WNK1: variants seen among roughly 807,000 people sequenced by gnomAD.
WNK1 encodes WNK lysine deficient protein kinase 1.
In WNK1, 38 loss-of-function variants were observed where a neutral mutation model predicts 222.8. The ratio of observed to expected loss-of-function variants is 0.17; its 90% confidence interval spans 0.13 to 0.22. The LOEUF is 0.22. WNK1 is among the 10% of genes least tolerant of loss of function. The pLI, the probability that WNK1 is intolerant of heterozygous loss-of-function variation, is 1.00. For missense variants in WNK1, 2,348 were observed against 2,918.4 expected, an observed-to-expected ratio of 0.80 and a Z score of 4.50; for synonymous variants, 1,090 against 1,092.9, an observed-to-expected ratio of 1.00 and a Z score of 0.05.
In WNK1 at chr12:878,305, C is replaced by T; in HGVS notation, c.2317C>T (p.Pro773Ser). The T allele has an allele frequency of 6.2e-7, 1 of 1,614,024 alleles. No homozygotes were observed. Among genetic ancestry groups the T allele is most frequent in the South Asian group, 1.1e-5 (1 of 91,082 alleles). ...STSSEATTAQ[P>S]VSQPQAPQVL... Reference sequence around the variant, plus strand: ...CTCCAGTGAGGCCACTACTGCACAGCCAGTGAGTCAGCCTCAAGCTCCACA... The same window carrying T: ...CTCCAGTGAGGCCACTACTGCACAGTCAGTGAGTCAGCCTCAAGCTCCACA... The change falls in exon 10 of 28, where the codon CCA (proline) becomes TCA (serine). Residue 773 changes from proline (P) to serine (S), a missense_variant. By Grantham distance (74) the Pro-to-Ser change is moderately conservative. Transcript: ENST00000315939.
chr12:873,945 T>C (rs77787449), intron 9 of WNK1, among the ~76,000 whole-genome samples: 2,297 of 151,824 alleles, frequency 0.015, 56 homozygotes, highest in African/African-American at 0.052. Flanking sequence ...CGTATAGTGA[T>C]ATACTAGATC....
chr12:890,376 A>G, intron 21 of WNK1, 77 bp from the exon 22 acceptor site: 4 of 1,474,782 alleles, frequency 2.7e-6, no homozygotes, highest in East Asian at 4.5e-5. Flanking sequence ...TACAAAGACC[A>G]TAGGAAAGGC....
chr12:862,944 A>T (rs923908283), intron 8 of WNK1, among the ~76,000 whole-genome samples: 2 of 152,214 alleles, frequency 1.3e-5, no homozygotes, highest in Non-Finnish European at 2.9e-5. Flanking sequence ...TTGTATACAC[A>T]TACACACACA....
At chr12:867,702 AT>A in intron 8 of WNK1, 1 of 810,002 alleles carries the variant, frequency 1.2e-6, no homozygotes, top group East Asian at 2.7e-5. Flanking sequence ...TATTTAATGG[AT>A]TTTTACTATG....
intron 2 of WNK1, among the ~76,000 whole-genome samples, chr12:825,628 C>G (rs1296274939): frequency 6.6e-6 from 1 of 152,000 alleles, no homozygotes; most frequent in Non-Finnish European, 1.5e-5. Flanking sequence ...AATTGGAATA[C>G]TAAATGCAGG....
At chr12:789,717 TAG>T (rs906393708) in intron 1 of WNK1, among the ~76,000 whole-genome samples, 57 of 152,018 alleles carry the variant, frequency 3.7e-4, no homozygotes, top group African/African-American at 1.3e-3. Context: ...TCTGAAAGCA[TAG>T]AGTTTTCAGG....
chr12:908,861 G>GGGCCA lies in WNK1; in HGVS notation c.*69_*70insGGCCA. On this transcript the variant is annotated 3_prime_UTR_variant, in exon 28 of 28. Transcript: ENST00000315939. The stretch of plus-strand genomic sequence containing the variant: ...ATGCTGAGGGGGTGGGTGGGGGTGG[G>GGGCCA]AAGTAGCCTATATACTAACTACTAG... The GGGCCA allele has an allele frequency of 4.1e-6, 2 of 491,844 alleles. No individual in the cohort carries two copies. Among genetic ancestry groups the GGGCCA allele is most frequent in the East Asian group, 6.0e-5 (1 of 16,746 alleles). The allele number at this position is 491,844 out of a possible 1,614,324, so 30.5% of individuals were successfully genotyped here. A position where few individuals can be genotyped will look rare whatever the true frequency, so the allele number is the denominator to read the frequency against.
intron 1 of WNK1, among the ~76,000 whole-genome samples, chr12:794,502 A>ATGTT (rs71051384): frequency 4.3e-4 from 63 of 148,176 alleles, no homozygotes; most frequent in Admixed American, 1.1e-3. Flanking sequence ...AGTTGGTTGA[A>ATGTT]TTTTTTTTTT....
At chr12:869,936 C>A (rs1007405929) in intron 8 of WNK1, among the ~76,000 whole-genome samples, 1 of 151,934 alleles carries the variant, frequency 6.6e-6, no homozygotes. Context: ...CATATACACA[C>A]TTAGCAAATA....
chr12:772,973 T>A (rs1295303713), intron 1 of WNK1, among the ~76,000 whole-genome samples: 1 of 152,122 alleles, frequency 6.6e-6, no homozygotes, highest in African/African-American at 2.4e-5. Flanking sequence ...GTAAGTTCTT[T>A]GAGGAGCTGG....
chr12:757,794 T>TC (rs1940357729), intron 1 of WNK1, among the ~76,000 whole-genome samples: 1 of 147,008 alleles, frequency 6.8e-6, no homozygotes, highest in African/African-American at 2.4e-5. Flanking sequence ...TCCCAGCACT[T>TC]TGGGAGGCCG....
At position 813,671 on chromosome 12, in the gene WNK1, G is replaced by A. The variant is rs576377217; in HGVS notation, c.789G>A (p.Gln263=). 12 of 1,613,778 alleles carry A rather than the reference G, an allele frequency of 7.4e-6. No individual in the cohort carries two copies. In the Admixed American group the frequency reaches 1.3e-4, roughly 18 times the overall value. The change falls in exon 2 of 28, where the codon CAG becomes CAA. Residue 263 remains glutamine, a synonymous_variant. Coordinates refer to ENST00000315939, the MANE Select transcript of WNK1 (RefSeq NM_018979.4). ...GAAAATTAACAAAGTCTGAGAGGCAGAGATTTAAAGAAGAAGCTGAAATGT... is the reference window on the plus strand; with the variant it reads ...GAAAATTAACAAAGTCTGAGAGGCAAAGATTTAAAGAAGAAGCTGAAATGT... ...QDRKLTKSER[Q]RFKEEAEMLK...
At chr12:844,154 C>T (rs993199962) in intron 4 of WNK1, among the ~76,000 whole-genome samples, 11 of 150,132 alleles carry the variant, frequency 7.3e-5, no homozygotes, top group Admixed American at 4.7e-4. Context: ...TTTTTTGAGA[C>T]GGGGTCTTGC....
At position 868,914 on chromosome 12, in the gene WNK1, A is replaced by AT. The variant is rs755667636; in HGVS notation, c.2140-2347dup. 3 of 1,596,868 alleles carry AT rather than the reference A, an allele frequency of 1.9e-6. No homozygotes were observed. Among genetic ancestry groups the AT allele is most frequent in the Non-Finnish European group, 2.6e-6 (3 of 1,170,622 alleles). ...CAAATCACTTCTTCAGACCCCAGTGATTTTCAGTCACCTCCCCCTACAGGG... is the reference window on the plus strand; with the variant it reads ...CAAATCACTTCTTCAGACCCCAGTGATTTTTCAGTCACCTCCCCCTACAGGG... On this transcript the variant is annotated intron_variant, in intron 8 of 27. Coordinates refer to ENST00000315939, the MANE Select transcript of WNK1 (RefSeq NM_018979.4).
At chr12:824,673 A>G (rs1254488927) in intron 2 of WNK1, among the ~76,000 whole-genome samples, 2 of 72,594 alleles carry the variant, frequency 2.8e-5, no homozygotes, top group Non-Finnish European at 6.8e-5. Context: ...ATAGTTAAAA[A>G]AAAGAGAGAA....
At chr12:901,087 C>T (rs539891897) in intron 26 of WNK1, 1 of 299,022 alleles carries the variant, frequency 3.3e-6, no homozygotes, top group East Asian at 8.4e-5. Context: ...AATAACCTTA[C>T]AATTCAGTTT....
chr12:805,668 A>T (rs1946310001), intron 1 of WNK1, among the ~76,000 whole-genome samples: 1 of 152,216 alleles, frequency 6.6e-6, no homozygotes, highest in East Asian at 1.9e-4. Flanking sequence ...AATTCAGAGT[A>T]TATAGTTAGG....
At chr12:895,952 C>T (rs2154094407) in intron 23 of WNK1, 119 bp from the exon 24 acceptor site, 3 of 1,349,208 alleles carry the variant, frequency 2.2e-6, no homozygotes, top group South Asian at 1.3e-5. Flanking sequence ...TGTAAAGAGA[C>T]AATCAGCCTA....
intron 8 of WNK1, among the ~76,000 whole-genome samples, chr12:863,747 A>C (rs548434820): frequency 1.3e-5 from 2 of 152,202 alleles, no homozygotes; most frequent in Non-Finnish European, 2.9e-5. Flanking sequence ...AGAATTATTA[A>C]ATATTGAGAA....
Sources: gnomAD v4.1 joint callset for allele counts (sites outside exome capture counted in the v4.1 genomes callset) on GRCh38, gnomAD v4.1.1 for gene constraint, MANE v1.5 for transcripts, NCBI Gene and HGNC (gene_info 2026-07-23, HGNC 2026-07-21) for gene names.